The following MRPL44 variants were observed in gnomAD, a reference collection of about 807,000 sequenced individuals.
The protein encoded by MRPL44 is large ribosomal subunit protein mL44.
Under a neutral mutation model 25.9 loss-of-function variants are expected in MRPL44, and 21 were observed. The ratio of observed to expected loss-of-function variants is 0.81; its 90% CI spans 0.58 to 1.17. The LOEUF (loss-of-function observed/expected upper bound fraction) is 1.17, where lower values mean the gene tolerates loss of function less well. Ranked by LOEUF, MRPL44 falls within the 50% of genes most tolerant of loss-of-function variation. The probability of loss-of-function intolerance (pLI) is 0.00; values close to 1 mark genes in which losing one functional copy is unlikely to be tolerated. For missense variants in MRPL44, 410 were observed against 398.9 expected (o/e 1.03, Z -0.24); for synonymous variants, 169 against 151.0 (o/e 1.12, Z -0.87).
At chr2:223,963,364 GC>G (rs1442954306) in intron 2 of MRPL44, among the ~76,000 whole-genome samples, 1 of 151,978 alleles carries the variant, frequency 6.6e-6, no homozygotes, top group East Asian at 1.9e-4. Context: ...GATTGCTTGA[GC>G]CCAGGAGGTC....
chr2:223,963,578 A>C (rs1689696689), intron 2 of MRPL44, among the ~76,000 whole-genome samples, 178 bp from the exon 3 acceptor site: 1 of 152,124 alleles, frequency 6.6e-6, no homozygotes, highest in African/African-American at 2.4e-5. Context: ...TAGTGTAAAA[A>C]CTGTGGGAAT....
chr2:223,953,183 C>T (rs555927672), upstream of MRPL44, among the ~76,000 whole-genome samples: 5 of 148,788 alleles, frequency 3.4e-5, no homozygotes, highest in Admixed American at 2.0e-4. Flanking sequence ...CACCCAGGCT[C>T]GAGTGCAGTG....
upstream of MRPL44, among the ~76,000 whole-genome samples, chr2:223,956,571 G>A (rs1169890577): frequency 6.6e-6 from 1 of 152,170 alleles, no homozygotes; most frequent in Non-Finnish European, 1.5e-5. Context: ...GGTGGAAACT[G>A]CACCGAAGAG....
At chr2:223,955,141 T>C (rs1689545412), upstream of MRPL44, among the ~76,000 whole-genome samples, 1 of 152,244 alleles carries the variant, frequency 6.6e-6, no homozygotes, top group South Asian at 2.1e-4. Context: ...TAAGGCTTTT[T>C]GCTAATCAGT....
chr2:223,954,629 T>C (rs1689537649), upstream of MRPL44, among the ~76,000 whole-genome samples: 2 of 152,224 alleles, frequency 1.3e-5, no homozygotes, highest in South Asian at 4.1e-4. Flanking sequence ...CCTTTCCACA[T>C]AGTTTCTTAG....
chr2:223,954,751 G>C (rs963909752), upstream of MRPL44, among the ~76,000 whole-genome samples: 5 of 152,134 alleles, frequency 3.3e-5, no homozygotes, highest in Admixed American at 2.6e-4. Context: ...CCCCAGAATT[G>C]ATAAAAACAT....
rs1689753079 is a variant in MRPL44, at chr2:223,967,044, A to G, written c.*10A>G. On this transcript the variant is annotated 3_prime_UTR_variant, in exon 4 of 4. Coordinates refer to ENST00000258383, the MANE Select transcript of MRPL44 (RefSeq NM_022915.5). Reference sequence around the variant, plus strand: ...CATCACTGCCAGCTAGCCGCCATGGATGCAGCAGCCTGAAACTTGAGAGCG... The same window carrying G: ...CATCACTGCCAGCTAGCCGCCATGGGTGCAGCAGCCTGAAACTTGAGAGCG... 5.7e-6 allele frequency: 9 copies of G among 1,592,892 alleles called. No homozygotes were observed. Among genetic ancestry groups the G allele is most frequent in the Non-Finnish European group, 6.0e-6 (7 of 1,168,658 alleles).
chr2:223,958,504 T>C (rs145233802), intron 1 of MRPL44, among the ~76,000 whole-genome samples: 67 of 152,360 alleles, frequency 4.4e-4, no homozygotes, highest in Non-Finnish European at 7.1e-4. Flanking sequence ...CCCTTGTTTA[T>C]TATAAGATTA....
chr2:223,965,472 A>G lies in MRPL44; in HGVS notation c.828-1391A>G, dbSNP rs61010884. 3.6e-3 allele frequency among the ~76,000 whole-genome samples: 547 copies of G among 152,340 alleles called. 4 individuals are homozygous for G. The highest frequency in any genetic ancestry group is 0.012 in the African/African-American group (519 of 41,568). On this transcript the variant is annotated intron_variant, in intron 3 of 3. Coordinates refer to ENST00000258383, the MANE Select transcript of MRPL44 (RefSeq NM_022915.5). The stretch of plus-strand genomic sequence containing the variant: ...CGATTGAATCTGATTTAGTAAATGC[A>G]GTTGCTATGCATTAAACTTTCAGGA...
At chr2:223,957,778 C>T in intron 1 of MRPL44, 127 bp downstream of exon 1, 1 of 1,132,114 alleles carries the variant, frequency 8.8e-7, no homozygotes, top group Non-Finnish European at 1.2e-6. Context: ...ATGGAGACAC[C>T]CGTGAGCTGT....
At chr2:223,955,030 CCTATTT>C (rs1422699453), upstream of MRPL44, among the ~76,000 whole-genome samples, 1 of 152,140 alleles carries the variant, frequency 6.6e-6, no homozygotes, top group Non-Finnish European at 1.5e-5. Flanking sequence ...GCACAAGTAT[CCTATTT>C]CTAATTGTAT....
At position 223,959,586 on chromosome 2, in the gene MRPL44, C is replaced by G; in HGVS notation, c.232C>G (p.Arg78Gly). ...YHAEIQAFGH[R>G]LQENFSLDLL... ...TGCAGAAATACAAGCTTTTGGACATCGGTTACAGGAAAACTTTTCCTTAGA... is the reference window on the plus strand; with the variant it reads ...TGCAGAAATACAAGCTTTTGGACATGGGTTACAGGAAAACTTTTCCTTAGA... The change falls in exon 2 of 4, where the codon CGG becomes GGG. Residue 78 changes from arginine (R) to glycine (G), a missense_variant. By Grantham distance (125) the Arg-to-Gly change is moderately radical (BLOSUM62 -2). Coordinates refer to ENST00000258383, the MANE Select transcript of MRPL44 (RefSeq NM_022915.5). 3 of 1,613,676 alleles carry G rather than the reference C, an allele frequency of 1.9e-6. No individual in the cohort carries two copies. The highest frequency in any genetic ancestry group is 2.5e-6 in the Non-Finnish European group (3 of 1,179,892).
chr2:223,959,638 G>A lies in MRPL44; in HGVS notation c.284G>A (p.Ser95Asn), dbSNP rs1689624702. 6.2e-7 allele frequency: 1 copy of A among 1,614,176 alleles called. No homozygotes were observed. The highest frequency in any genetic ancestry group is 8.5e-7 in the Non-Finnish European group (1 of 1,180,010). The change falls in exon 2 of 4, where the codon AGC (serine) becomes AAC (asparagine). Residue 95 changes from serine to asparagine, a missense_variant. Coordinates refer to ENST00000258383, the MANE Select transcript of MRPL44 (RefSeq NM_022915.5). The stretch of plus-strand genomic sequence containing the variant: ...CTTCTCAAAACTGCATTTGTTAATA[G>A]CTGCTATATTAAAAGTGAGGAGGCC... Reference protein sequence around the residue: ...LDLLKTAFVNSCYIKSEEAKR... With the variant: ...LDLLKTAFVNNCYIKSEEAKR...
chr2:223,957,741 C>T (rs1426547210), intron 1 of MRPL44, 90 bp downstream of exon 1: 3 of 1,415,522 alleles, frequency 2.1e-6, no homozygotes, highest in East Asian at 2.5e-5. Context: ...CTGATGCGCC[C>T]CTGGGTTAAG....
In MRPL44 at chr2:223,960,628, TGACA is replaced by T. The variant is rs763159052; in HGVS notation, c.648+627_648+630del. Reference sequence around the variant, plus strand: ...GTCTTGATTCAGGCACCTATCTGACTGACATTCAGTCTTTAAACCTGCTGTTGGA... The same window carrying T: ...GTCTTGATTCAGGCACCTATCTGACTTTCAGTCTTTAAACCTGCTGTTGGA... On this transcript the variant is annotated intron_variant, in intron 2 of 3. Transcript: ENST00000258383. 7.9e-5 allele frequency among the ~76,000 whole-genome samples: 12 copies of T among 152,364 alleles called. No homozygotes were observed. In the East Asian group the frequency reaches 1.3e-3, roughly 17 times the overall value.
Position 223,966,945 on chromosome 2 carries a change from CTT to C in MRPL44, c.912_913del (p.Tyr305TrpfsTer6). Reference protein sequence around the residue: ...EEAARVALRKLYGFTENRRPW... With the variant: ...EEAARVALRKXYGFTENRRPW... ...GGCTGCTCGAGTGGCCCTTAGAAAACTTTATGGATTCACAGAAAATAGACGGC... is the reference window on the plus strand; with the variant it reads ...GGCTGCTCGAGTGGCCCTTAGAAAACTATGGATTCACAGAAAATAGACGGC... On this transcript the variant is annotated frameshift_variant, in exon 4 of 4. Transcript: ENST00000258383. LOFTEE classifies it low-confidence loss of function (END_TRUNC). 1 of 1,614,116 alleles carries C rather than the reference CTT, an allele frequency of 6.2e-7. No individual in the cohort carries two copies. The highest frequency in any genetic ancestry group is 8.5e-7 in the Non-Finnish European group (1 of 1,180,008).
At position 223,965,312 on chromosome 2, in the gene MRPL44, CAG is replaced by C. The variant is rs542996821; in HGVS notation, c.827+1380_827+1381del. On this transcript the variant is annotated intron_variant, in intron 3 of 3. Coordinates refer to ENST00000258383, the MANE Select transcript of MRPL44 (RefSeq NM_022915.5). Reference sequence around the variant, plus strand: ...GTTTCATTTCCAATTATTGTCATAACAGATGTTTTTTAGCAAATTTATTTCAT... The same window carrying C: ...GTTTCATTTCCAATTATTGTCATAACATGTTTTTTAGCAAATTTATTTCAT... 2.6e-4 allele frequency among the ~76,000 whole-genome samples: 40 copies of C among 152,194 alleles called. No homozygotes were observed. In the South Asian group the frequency reaches 6.7e-3, roughly 25 times the overall value.
chr2:223,951,210 C>T, the MRPL44 span, among the ~76,000 whole-genome samples: 1 of 151,998 alleles, frequency 6.6e-6, no homozygotes. Flanking sequence ...AGGGGTAAAA[C>T]CTGATTGAAG....
chr2:223,967,181 C>A lies in MRPL44; in HGVS notation c.*147C>A, dbSNP rs1231946772. The A allele has an allele frequency of 3.9e-6, 3 of 775,296 alleles. No individual in the cohort carries two copies. The highest frequency in any genetic ancestry group is 5.8e-6 in the Non-Finnish European group (3 of 514,878). The allele number at this position is 775,296 out of a possible 1,614,324, so 48.0% of individuals were successfully genotyped here. A position where few individuals can be genotyped will look rare whatever the true frequency, so the allele number is the denominator to read the frequency against. On this transcript the variant is annotated 3_prime_UTR_variant, in exon 4 of 4. Transcript: ENST00000258383. ...GTTCCCAAAATTAAATAAGTGTTAA[C>A]CAAGTCACAGTGTTTTTGGTTTTGT... is the stretch of plus-strand genomic sequence containing the variant.
Sources: gnomAD v4.1 joint callset for allele counts (sites outside exome capture counted in the v4.1 genomes callset) on GRCh38, gnomAD v4.1.1 for gene constraint, MANE v1.5 for transcripts, NCBI Gene and HGNC (gene_info 2026-07-23, HGNC 2026-07-21) for gene names.